COL22A1: variants seen among roughly 807,000 people sequenced by gnomAD.
COL22A1 encodes collagen alpha-1(XXII) chain.
In COL22A1, 221 loss-of-function variants were observed where a neutral mutation model predicts 248.9. That is an observed-to-expected ratio of 0.89 (90% CI 0.80 to 0.99). The LOEUF (loss-of-function observed/expected upper bound fraction) is 0.99, where lower values mean the gene tolerates loss of function less well. Among genes scored for constraint, COL22A1 ranks in the 50% least tolerant of loss-of-function variants. The pLI is 0.00. For missense variants in COL22A1, 2,240 were observed against 2,179.0 expected, an observed-to-expected ratio of 1.03 and a Z score of -0.56; for synonymous variants, 891 against 793.4, an observed-to-expected ratio of 1.12 and a Z score of -2.07.
intron 41 of COL22A1, 116 bp downstream of exon 41, chr8:138,676,442 A>AAAGAAAGAAAGAAAGAAAGG: frequency 1.9e-6 from 1 of 539,960 alleles, no homozygotes. Context: ...AGAAAGAAAG[A>AAAGAAAGAAAGAAAGAAAGG]AAGAAAGAAA....
intron 47 of COL22A1, among the ~76,000 whole-genome samples, chr8:138,642,305 C>T (rs544802384): frequency 6.6e-6 from 1 of 152,226 alleles, no homozygotes; most frequent in Non-Finnish European, 1.5e-5. Context: ...GTTTCCTCAT[C>T]TGTAAAGTGA....
chr8:138,761,880 G>A (rs900812358), intron 17 of COL22A1, among the ~76,000 whole-genome samples: 2 of 152,136 alleles, frequency 1.3e-5, no homozygotes, highest in Non-Finnish European at 2.9e-5. Context: ...GACGGTCTTT[G>A]TAAGTCACCA....
chr8:138,894,886 AAAAC>A (rs1825294880), intron 1 of COL22A1, among the ~76,000 whole-genome samples: 1 of 152,044 alleles, frequency 6.6e-6, no homozygotes, highest in Non-Finnish European at 1.5e-5. Flanking sequence ...TTTACCTTAA[AAAAC>A]AAACAAACGA....
At chr8:138,590,880 G>A (rs1449871359) in intron 64 of COL22A1, among the ~76,000 whole-genome samples, 3 of 152,148 alleles carry the variant, frequency 2.0e-5, no homozygotes, top group African/African-American at 7.2e-5. Flanking sequence ...TCTGTTCCCA[G>A]AAACATCCTC....
In COL22A1 at chr8:138,716,681, A is replaced by C; in HGVS notation, c.2400+144T>G. On this transcript the variant is annotated intron_variant, in intron 28 of 64. Coordinates refer to ENST00000303045, the MANE Select transcript of COL22A1 (RefSeq NM_152888.3). ...CGTGACATCTGTTCAATTGTTCTTC[A>C]ATGTCCAGTTTATCCTGGACATATA... The C allele has an allele frequency of 4.5e-6, 3 of 667,872 alleles. No individual in the cohort carries two copies. In the South Asian group the frequency reaches 5.3e-5, roughly 12 times the overall value. 41.4% of individuals were successfully genotyped at this position (667,872 alleles called of 1,614,324 possible).
Position 138,755,168 on chromosome 8 carries a change from G to A in COL22A1, c.2020C>T (p.Pro674Ser), listed in dbSNP as rs746298682. The change falls in exon 21 of 65, where the codon CCA becomes TCA. Residue 674 changes from proline (P) to serine (S), a missense_variant. Transcript: ENST00000303045. ...GAGGGACAACTTACCCGAGCTCCTGGAGGACCGGGGGCGCCTTGGTGACCT... is the reference window on the plus strand; with the variant it reads ...GAGGGACAACTTACCCGAGCTCCTGAAGGACCGGGGGCGCCTTGGTGACCT... ...PRGHQGAPGP[P>S]GARGPIGPEG... 2.8e-5 allele frequency: 45 copies of A among 1,614,112 alleles called. No individual in the cohort carries two copies. The highest frequency in any genetic ancestry group is 1.5e-5 in the Non-Finnish European group (18 of 1,179,994).
intron 56 of COL22A1, among the ~76,000 whole-genome samples, chr8:138,610,750 G>T (rs897828377): frequency 2.0e-5 from 3 of 152,156 alleles, no homozygotes; most frequent in Non-Finnish European, 4.4e-5. Context: ...CACCTGTTCT[G>T]AGTACTCTCT....
chr8:138,690,639 C>T (rs1826769192), intron 36 of COL22A1, among the ~76,000 whole-genome samples, 182 bp downstream of exon 36: 1 of 152,092 alleles, frequency 6.6e-6, no homozygotes, highest in African/African-American at 2.4e-5. Flanking sequence ...GGCGAGTTGC[C>T]TAGGGCTCAG....
At chr8:138,631,954 T>A (rs1820759115) in intron 49 of COL22A1, among the ~76,000 whole-genome samples, 1 of 152,168 alleles carries the variant, frequency 6.6e-6, no homozygotes, top group Non-Finnish European at 1.5e-5. Flanking sequence ...GTACCTGGGA[T>A]ATAGTAAATA....
At chr8:138,674,465 A>T (rs1587832527) in intron 41 of COL22A1, among the ~76,000 whole-genome samples, 2 of 152,312 alleles carry the variant, frequency 1.3e-5, no homozygotes, top group African/African-American at 4.8e-5. Flanking sequence ...AAAATTCAAT[A>T]AGGTTTTATC....
intron 56 of COL22A1, among the ~76,000 whole-genome samples, chr8:138,608,498 A>G (rs1818596047): frequency 6.6e-6 from 1 of 152,218 alleles, no homozygotes; most frequent in South Asian, 2.1e-4. Flanking sequence ...CACAGAGAAG[A>G]AAAATGGCTT....
At chr8:138,637,641 C>T (rs954510773) in intron 47 of COL22A1, among the ~76,000 whole-genome samples, 1 of 152,152 alleles carries the variant, frequency 6.6e-6, no homozygotes, top group African/African-American at 2.4e-5. Flanking sequence ...GGACAAGATA[C>T]TTAAACTCTC....
At chr8:138,788,619 T>G (rs1431444598) in intron 12 of COL22A1, among the ~76,000 whole-genome samples, 2 of 152,104 alleles carry the variant, frequency 1.3e-5, no homozygotes, top group African/African-American at 2.4e-5. Context: ...CTTCCTGAGG[T>G]TTTAGGAGTT....
chr8:138,682,353 A>G (rs1003968553), intron 39 of COL22A1, among the ~76,000 whole-genome samples: 1 of 152,238 alleles, frequency 6.6e-6, no homozygotes, highest in African/African-American at 2.4e-5. Flanking sequence ...GAAGGCATAT[A>G]GGAAACTTTA....
chr8:138,681,835 C>T (rs1400022704), intron 39 of COL22A1, among the ~76,000 whole-genome samples: 1 of 152,182 alleles, frequency 6.6e-6, no homozygotes, highest in Admixed American at 6.5e-5. Context: ...ACTCATATCA[C>T]ACAAAAACAT....
chr8:138,777,257 T>C (rs1814554181), intron 15 of COL22A1, among the ~76,000 whole-genome samples: 1 of 152,050 alleles, frequency 6.6e-6, no homozygotes, highest in African/African-American at 2.4e-5. Context: ...CTAGAGAGAG[T>C]ACAGGGCCAA....
chr8:138,722,213 T>C (rs1829922343), intron 25 of COL22A1, 124 bp from the exon 26 acceptor site: 1 of 747,832 alleles, frequency 1.3e-6, no homozygotes, highest in African/African-American at 1.8e-5. Context: ...GCGTCTGCTC[T>C]TTGATTAGCA....
At chr8:138,691,765 C>G (rs530954280) in intron 35 of COL22A1, among the ~76,000 whole-genome samples, 21 of 128,176 alleles carry the variant, frequency 1.6e-4, no homozygotes, top group Admixed American at 1.3e-3. Flanking sequence ...TATATGTGTA[C>G]ACGTAAGTGT....
chr8:138,657,015 G>T (rs1339887924), intron 44 of COL22A1, among the ~76,000 whole-genome samples: 1 of 152,206 alleles, frequency 6.6e-6, no homozygotes, highest in African/African-American at 2.4e-5. Flanking sequence ...CAAGGTAACT[G>T]CTGCAGTGGC....
Sources: gnomAD v4.1 joint callset for allele counts (sites outside exome capture counted in the v4.1 genomes callset) on GRCh38, gnomAD v4.1.1 for gene constraint, MANE v1.5 for transcripts, NCBI Gene and HGNC (gene_info 2026-07-23, HGNC 2026-07-21) for gene names.